Variants in RBFOX1 observed in about 807,000 individuals in gnomAD.
RBFOX1 encodes RNA binding protein fox-1 homolog 1.
A neutral mutation model predicts 57.7 loss-of-function variants in RBFOX1; 8 were observed. The ratio of observed to expected loss-of-function variants is 0.14; its 90% CI spans 0.08 to 0.25. RBFOX1 has a LOEUF of 0.25. Among genes scored for constraint, RBFOX1 ranks in the 10% least tolerant of loss-of-function variants. The probability of loss-of-function intolerance (pLI) is 1.00; values close to 1 mark genes in which losing one functional copy is unlikely to be tolerated. For synonymous variants in RBFOX1, 326 were observed against 222.4 expected, an observed-to-expected ratio of 1.47 and a Z score of -4.15; for missense variants, 611 against 548.5, an observed-to-expected ratio of 1.11 and a Z score of -1.14.
At chr16:5,766,818 C>T (rs536094691) in intron 3 of RBFOX1, among the ~76,000 whole-genome samples, 156 of 152,324 alleles carry the variant, frequency 1.0e-3, no homozygotes, top group Non-Finnish European at 1.8e-3. Flanking sequence ...AGGCCCTCTG[C>T]TCTCTATCCC....
At chr16:5,289,878 A>G (rs1047687319) in intron 1 of RBFOX1, among the ~76,000 whole-genome samples, 2 of 152,254 alleles carry the variant, frequency 1.3e-5, no homozygotes, top group African/African-American at 2.4e-5. Flanking sequence ...ACTCCAGTTT[A>G]TGAAAGAAAT....
At chr16:5,440,092 G>A (rs777170517) in intron 1 of RBFOX1, among the ~76,000 whole-genome samples, 2 of 152,182 alleles carry the variant, frequency 1.3e-5, no homozygotes, top group Non-Finnish European at 1.5e-5. Context: ...CCTGAAATGA[G>A]TGTCATGTTG....
Position 7,610,475 on chromosome 16 carries a change from A to G in RBFOX1, c.676+3137A>G, listed in dbSNP as rs180942484. Among the ~76,000 whole-genome samples, 12 of 152,160 alleles carry G rather than the reference A, an allele frequency of 7.9e-5. No individual in the cohort carries two copies. In the East Asian group the frequency reaches 2.1e-3, roughly 27 times the overall value. Reference sequence around the variant, plus strand: ...GTGCAAACCAGTGAAATAAAAGAAGAGAGGTAACATAATCATTCTGTATGA... The same window carrying G: ...GTGCAAACCAGTGAAATAAAAGAAGGGAGGTAACATAATCATTCTGTATGA... On this transcript the variant is annotated intron_variant, in intron 10 of 15. Coordinates refer to ENST00000550418, the MANE Select transcript of RBFOX1 (RefSeq NM_018723.4).
chr16:6,910,641 G>T (rs2071330759), intron 3 of RBFOX1, among the ~76,000 whole-genome samples: 1 of 152,192 alleles, frequency 6.6e-6, no homozygotes, highest in African/African-American at 2.4e-5. Context: ...ATCTTTGTCA[G>T]TTTCTAGAGG....
intron 4 of RBFOX1, among the ~76,000 whole-genome samples, chr16:5,869,845 A>G (rs2057425985): frequency 6.6e-6 from 1 of 152,192 alleles, no homozygotes; most frequent in Non-Finnish European, 1.5e-5. Context: ...AACGGTGCTT[A>G]TGTCCACCAA....
intron 3 of RBFOX1, among the ~76,000 whole-genome samples, chr16:5,853,415 C>T (rs1316388910): frequency 6.6e-6 from 1 of 152,152 alleles, no homozygotes; most frequent in East Asian, 1.9e-4. Flanking sequence ...CCTGACCTGC[C>T]CCCATGTTCC....
At chr16:6,952,978 G>C (rs1042357397) in intron 3 of RBFOX1, among the ~76,000 whole-genome samples, 7 of 151,172 alleles carry the variant, frequency 4.6e-5, no homozygotes, top group Non-Finnish European at 1.0e-4. Flanking sequence ...GTCTCATAAA[G>C]AAAAAAAAAT....
chr16:5,618,419 G>C (rs1458775970), intron 3 of RBFOX1, among the ~76,000 whole-genome samples: 1 of 152,000 alleles, frequency 6.6e-6, no homozygotes, highest in Non-Finnish European at 1.5e-5. Flanking sequence ...CTCACTGCAA[G>C]CTCCACCCAC....
At chr16:6,562,204 G>A (rs2097187958) in intron 2 of RBFOX1, among the ~76,000 whole-genome samples, 1 of 152,192 alleles carries the variant, frequency 6.6e-6, no homozygotes, top group Admixed American at 6.5e-5. Flanking sequence ...TGACTTGGGT[G>A]CCAGCCCTCT....
chr16:6,627,581 C>T (rs1013000172), intron 2 of RBFOX1, among the ~76,000 whole-genome samples: 5 of 152,126 alleles, frequency 3.3e-5, no homozygotes, highest in Admixed American at 6.5e-5. Flanking sequence ...AAGATAAGAA[C>T]TATGAACGCT....
chr16:6,252,151 T>C (rs1286453377), intron 1 of RBFOX1, among the ~76,000 whole-genome samples: 1 of 152,062 alleles, frequency 6.6e-6, no homozygotes, highest in Non-Finnish European at 1.5e-5. Flanking sequence ...GAATGTTTTA[T>C]CTGTACCTGT....
At chr16:7,706,654 ACT>A (rs1367513555) in intron 14 of RBFOX1, among the ~76,000 whole-genome samples, 2 of 151,888 alleles carry the variant, frequency 1.3e-5, no homozygotes, top group African/African-American at 4.8e-5. Context: ...CACTTAACAA[ACT>A]CTCAAGGATT....
At chr16:7,654,659 G>C (rs997239611) in intron 12 of RBFOX1, among the ~76,000 whole-genome samples, 2 of 152,132 alleles carry the variant, frequency 1.3e-5, no homozygotes, top group Non-Finnish European at 2.9e-5. Context: ...AAATGATACT[G>C]GTGTGTTTGG....
At position 6,211,138 on chromosome 16, in the gene RBFOX1, A is replaced by ACCATGAGACAGAGTGTTTTTGCTT. The variant is rs140925828; in HGVS notation, c.-126-105837_-126-105814dup. 1.7e-3 allele frequency among the ~76,000 whole-genome samples: 253 copies of ACCATGAGACAGAGTGTTTTTGCTT among 144,688 alleles called. 22 individuals are homozygous for ACCATGAGACAGAGTGTTTTTGCTT. The highest frequency in any genetic ancestry group is 4.1e-3 in the East Asian group (20 of 4,884). 94.9% of individuals were successfully genotyped at this position (144,688 alleles called of 152,430 possible). ...TGGCCTAACGGCAGACTGGACAGTA[A>ACCATGAGACAGAGTGTTTTTGCTT]CCATGAGACAGAGTGTTTTTGCTTC... On this transcript the variant is annotated intron_variant, in intron 1 of 15. Coordinates refer to ENST00000550418, the MANE Select transcript of RBFOX1 (RefSeq NM_018723.4).
chr16:5,485,133 T>C (rs1182882240), intron 2 of RBFOX1, among the ~76,000 whole-genome samples: 1 of 151,036 alleles, frequency 6.6e-6, no homozygotes, highest in African/African-American at 2.4e-5. Context: ...GATGACGAGG[T>C]CAGAAGATCA....
chr16:7,010,305 A>C (rs745669165), intron 3 of RBFOX1, among the ~76,000 whole-genome samples: 1 of 152,246 alleles, frequency 6.6e-6, no homozygotes, highest in Non-Finnish European at 1.5e-5. Flanking sequence ...TTTAGAGAAC[A>C]CTAGAGAAAG....
intron 3 of RBFOX1, among the ~76,000 whole-genome samples, chr16:6,764,054 G>C (rs574085034): frequency 7.2e-5 from 11 of 152,264 alleles, no homozygotes; most frequent in Middle Eastern, 3.4e-3. Flanking sequence ...AACTGTACTT[G>C]GGTGACCTTA....
intron 3 of RBFOX1, among the ~76,000 whole-genome samples, chr16:7,016,508 C>T (rs1430110343): frequency 6.6e-6 from 1 of 152,160 alleles, no homozygotes; most frequent in East Asian, 1.9e-4. Context: ...GACACAGCCA[C>T]AGTGTATTCA....
chr16:5,823,741 T>C (rs1269396430), intron 3 of RBFOX1, among the ~76,000 whole-genome samples: 1 of 152,186 alleles, frequency 6.6e-6, no homozygotes, highest in Non-Finnish European at 1.5e-5. Context: ...CTTATGAGAA[T>C]TTAATGCCCG....
Sources: allele counts gnomAD v4.1 joint callset (sites outside exome capture counted in the v4.1 genomes callset), GRCh38; gene constraint gnomAD v4.1.1; transcripts MANE v1.5; gene names NCBI Gene and HGNC (gene_info 2026-07-23, HGNC 2026-07-21).